The following MEF2D variants were observed in gnomAD, a reference collection of about 807,000 sequenced individuals.
The protein encoded by MEF2D is myocyte enhancer factor 2D, also known as myocyte-specific enhancer factor 2D.
In MEF2D, 10 loss-of-function variants were observed where a neutral mutation model predicts 59.3. That is an observed-to-expected ratio of 0.17 (90% CI 0.10 to 0.29). MEF2D has a LOEUF of 0.29. Among genes scored for constraint, MEF2D ranks in the 10% least tolerant of loss-of-function variants. The probability of loss-of-function intolerance (pLI) is 1.00; values close to 1 mark genes in which losing one functional copy is unlikely to be tolerated. For missense variants in MEF2D, 508 were observed against 699.4 expected, an observed-to-expected ratio of 0.73 and a Z score of 3.09; for synonymous variants, 305 against 295.0, an observed-to-expected ratio of 1.03 and a Z score of -0.35.
chr1:156,486,596 A>C (rs1672378668), intron 1 of MEF2D, among the ~76,000 whole-genome samples: 1 of 152,182 alleles, frequency 6.6e-6, no homozygotes, highest in African/African-American at 2.4e-5. Flanking sequence ...CTGATGACCA[A>C]TACTGCCTCT....
Position 156,480,986 on chromosome 1 carries a change from C to T in MEF2D, c.259-15G>A. 5 of 1,611,508 alleles carry T rather than the reference C, an allele frequency of 3.1e-6. 1 individual carries two copies. Among genetic ancestry groups the T allele is most frequent in the Non-Finnish European group, 4.2e-6 (5 of 1,179,866 alleles). On this transcript the variant is annotated splice_polypyrimidine_tract_variant and intron_variant, in intron 3 of 11. Transcript: ENST00000348159. ...TTCCTCAGGGTCTGTAACCGCACCACTGCCATCAGCTGGGTGAGAGTCCTT... is the reference window on the plus strand; with the variant it reads ...TTCCTCAGGGTCTGTAACCGCACCATTGCCATCAGCTGGGTGAGAGTCCTT...
intron 1 of MEF2D, among the ~76,000 whole-genome samples, chr1:156,487,613 C>T (rs376454812): frequency 2.0e-5 from 3 of 152,218 alleles, no homozygotes; most frequent in African/African-American, 7.2e-5. Flanking sequence ...TAGGCAGGCA[C>T]AAAATACCCT....
In MEF2D at chr1:156,477,080, C is replaced by A. The variant is rs1571232118; in HGVS notation, c.787G>T (p.Ala263Ser). Residue 263 changes from alanine (A) to serine (S), a missense_variant, in exon 7 of 12, where the codon GCC (alanine) becomes TCC (serine). This residue lies in a region of MEF2D where 481 missense variants were observed against 584.7 expected (regional missense o/e 0.82). Transcript: ENST00000348159. ...PPPTHSTQLGAPSRKPDLRVI... is the reference protein window; with the variant it reads ...PPPTHSTQLGSPSRKPDLRVI... ...CGCAGGTCGGGCTTGCGGCTGGGGG[C>A]TCCAAGCTGGGTGCTGTGGGTAGGT... is the stretch of plus-strand genomic sequence containing the variant. 6.2e-7 allele frequency: 1 copy of A among 1,613,860 alleles called. No homozygotes were observed. The highest frequency in any genetic ancestry group is 1.3e-5 in the African/African-American group (1 of 74,906).
intron 1 of MEF2D, among the ~76,000 whole-genome samples, chr1:156,485,476 G>A (rs1212369209): frequency 1.4e-5 from 2 of 147,228 alleles, no homozygotes; most frequent in Non-Finnish European, 3.0e-5. Context: ...AAACAATGCA[G>A]ATAAATGCAT....
At chr1:156,478,099 T>C (rs950701569) in intron 6 of MEF2D, among the ~76,000 whole-genome samples, 2 of 152,198 alleles carry the variant, frequency 1.3e-5, no homozygotes, top group Admixed American at 6.5e-5. Context: ...TCTCTCCCAC[T>C]TTCCACATGC....
chr1:156,492,508 A>G (rs919591427), intron 1 of MEF2D, among the ~76,000 whole-genome samples: 4 of 151,722 alleles, frequency 2.6e-5, no homozygotes, highest in Non-Finnish European at 5.9e-5. Flanking sequence ...ACATTTGTCC[A>G]GAGTATCTAC....
Position 156,477,131 on chromosome 1 carries a change from C to A in MEF2D, c.736G>T (p.Val246Phe). Residue 246 changes from valine to phenylalanine, a missense_variant, in exon 7 of 12, where the codon GTC becomes TTC. Around this residue, in one of 2 missense-constraint regions of MEF2D, gnomAD observed 481 missense variants for 584.7 expected, o/e 0.82. Transcript: ENST00000348159. The stretch of plus-strand genomic sequence containing the variant: ...GGGGGTGGAGACTTGGCAGGGATGA[C>A]CTTGTTTAGGCTGTTGCCATTGGCC... ...PVANGNSLNK[V>F]IPAKSPPPPT... 1 of 1,613,870 alleles carries A rather than the reference C, an allele frequency of 6.2e-7. No homozygotes were observed. The highest frequency in any genetic ancestry group is 8.5e-7 in the Non-Finnish European group (1 of 1,179,924).
At chr1:156,474,551 T>A (rs970686163) in intron 9 of MEF2D, among the ~76,000 whole-genome samples, 1 of 152,188 alleles carries the variant, frequency 6.6e-6, no homozygotes, top group African/African-American at 2.4e-5. Flanking sequence ...CTGGGCACAG[T>A]CGGTAACACA....
chr1:156,467,537 C>A lies in MEF2D; in HGVS notation c.*108G>T, dbSNP rs995796738. Reference sequence around the variant, plus strand: ...GTAACCGTCAACAGGACACGAAGCACAAGAAAGGAAGTGGGGGTCGAGCGG... The same window carrying A: ...GTAACCGTCAACAGGACACGAAGCAAAAGAAAGGAAGTGGGGGTCGAGCGG... On this transcript the variant is annotated 3_prime_UTR_variant, in exon 12 of 12. Coordinates refer to ENST00000348159, the MANE Select transcript of MEF2D (RefSeq NM_005920.4). 2 of 733,290 alleles carry A rather than the reference C, an allele frequency of 2.7e-6. No individual in the cohort carries two copies. Among genetic ancestry groups the A allele is most frequent in the East Asian group, 3.0e-5 (1 of 32,916 alleles). The allele number at this position is 733,290 out of a possible 1,614,324, so 45.4% of individuals were successfully genotyped here.
In MEF2D at chr1:156,476,993, G is replaced by A; in HGVS notation, c.855+19C>T. The A allele has an allele frequency of 6.2e-7, 1 of 1,613,156 alleles. No homozygotes were observed. On this transcript the variant is annotated intron_variant, in intron 7 of 11. Coordinates refer to ENST00000348159, the MANE Select transcript of MEF2D (RefSeq NM_005920.4). ...CTTCCATTCCCCAGCCCCCACCCTTGGCCCAGACACCCACTTACCAAGTGA... is the reference window on the plus strand; with the variant it reads ...CTTCCATTCCCCAGCCCCCACCCTTAGCCCAGACACCCACTTACCAAGTGA...
At position 156,483,312 on chromosome 1, in the gene MEF2D, T is replaced by C; in HGVS notation, c.-20A>G. 6.2e-7 allele frequency: 1 copy of C among 1,613,820 alleles called. No individual in the cohort carries two copies. Among genetic ancestry groups the C allele is most frequent in the Non-Finnish European group, 8.5e-7 (1 of 1,179,750 alleles). ...CCCCATCTTCTCCGGGGGTCCTCAGTGCTACGGAGGGGAGGGGCTCGCTGG... is the reference window on the plus strand; with the variant it reads ...CCCCATCTTCTCCGGGGGTCCTCAGCGCTACGGAGGGGAGGGGCTCGCTGG... On this transcript the variant is annotated 5_prime_UTR_variant, in exon 2 of 12. Transcript: ENST00000348159.
chr1:156,473,341 A>AG (rs1460347319), intron 9 of MEF2D, among the ~76,000 whole-genome samples: 1 of 151,944 alleles, frequency 6.6e-6, no homozygotes, highest in Non-Finnish European at 1.5e-5. Context: ...ACATGTGGGG[A>AG]GGAGGTGGGA....
chr1:156,480,688 CT>C (rs1306380682), intron 4 of MEF2D, 145 bp downstream of exon 4: 1 of 1,589,034 alleles, frequency 6.3e-7, no homozygotes, highest in Admixed American at 1.8e-5. Flanking sequence ...CCTCGTCTAT[CT>C]TTTTATATTT....
In MEF2D at chr1:156,479,653, G is replaced by A; in HGVS notation, c.540C>T (p.Ser180=). The A allele has an allele frequency of 6.4e-7, 1 of 1,552,604 alleles. No homozygotes were observed. Among genetic ancestry groups the A allele is most frequent in the Non-Finnish European group, 8.7e-7 (1 of 1,147,504 alleles). Residue 180 remains serine, a synonymous_variant, in exon 5 of 12, where the codon TCC becomes TCT. Transcript: ENST00000348159. ...TCCTCTGTAGTGCTGGCTGCTGGGG[G>A]GACAGGAGCCGCGGGTCCGTGAGGG... is the stretch of plus-strand genomic sequence containing the variant. ...TSSLTDPRLL[S]PQQPALQRNS... is the part of the protein sequence containing the mutation.
chr1:156,498,884 A>T (rs1048095520), intron 1 of MEF2D, among the ~76,000 whole-genome samples: 15 of 152,132 alleles, frequency 9.9e-5, no homozygotes, highest in Admixed American at 6.5e-5. Context: ...TCTCCTGCCC[A>T]ACACACTGGG....
At chr1:156,477,683 C>A (rs1009793888) in intron 6 of MEF2D, among the ~76,000 whole-genome samples, 1 of 152,148 alleles carries the variant, frequency 6.6e-6, no homozygotes, top group Non-Finnish European at 1.5e-5. Flanking sequence ...CACTGAGAAG[C>A]CTGGTCACCA....
intron 1 of MEF2D, among the ~76,000 whole-genome samples, chr1:156,491,764 G>A (rs1672813579): frequency 6.6e-6 from 1 of 152,214 alleles, no homozygotes; most frequent in East Asian, 1.9e-4. Flanking sequence ...AGGCCGAGCT[G>A]CAATGACTCA....
At chr1:156,492,410 C>T (rs893353422) in intron 1 of MEF2D, among the ~76,000 whole-genome samples, 14 of 152,198 alleles carry the variant, frequency 9.2e-5, no homozygotes, top group Non-Finnish European at 1.8e-4. Context: ...GCTGGTGACA[C>T]GTGGGAGGGC....
chr1:156,479,821 G>A, intron 4 of MEF2D, 25 bp from the exon 5 acceptor site: 2 of 1,549,704 alleles, frequency 1.3e-6, no homozygotes, highest in Non-Finnish European at 1.7e-6. Context: ...GGAGGGGCAG[G>A]ATCAGGCCAG....
Sources: gnomAD v4.1 joint callset for allele counts (sites outside exome capture counted in the v4.1 genomes callset) on GRCh38, gnomAD v4.1.1 for gene constraint, gnomAD v4.1.1 regional missense constraint, MANE v1.5 for transcripts, NCBI Gene and HGNC (gene_info 2026-07-23, HGNC 2026-07-21) for gene names.